Variants in ROBO2 observed in about 807,000 individuals in gnomAD.
ROBO2 encodes roundabout homolog 2.
In ROBO2, 53 loss-of-function variants were observed where a neutral mutation model predicts 160.8. The observed-to-expected ratio is 0.33, with a 90% CI of 0.26 to 0.41. The LOEUF is 0.41. Among genes scored for constraint, ROBO2 ranks in the 10% least tolerant of loss-of-function variants. The probability of loss-of-function intolerance (pLI) is 1.00; values close to 1 mark genes in which losing one functional copy is unlikely to be tolerated. For missense variants in ROBO2, 1,577 were observed against 1,722.4 expected (o/e 0.92, Z 1.49); for synonymous variants, 664 against 611.7 (o/e 1.09, Z -1.26).
chr3:77,222,018 A>C (rs1323519915), intron 2 of ROBO2, among the ~76,000 whole-genome samples: 1 of 151,628 alleles, frequency 6.6e-6, no homozygotes, highest in African/African-American at 2.4e-5. Flanking sequence ...ACTCCCAGCT[A>C]ATTTTTGCGT....
intron 2 of ROBO2, among the ~76,000 whole-genome samples, chr3:76,007,925 C>T (rs897284852): frequency 6.6e-6 from 1 of 151,960 alleles, no homozygotes; most frequent in African/African-American, 2.4e-5. Flanking sequence ...AAAGATACTG[C>T]AATGTGTCAA....
chr3:76,806,214 C>CGT (rs71104623), intron 2 of ROBO2, among the ~76,000 whole-genome samples: 23,143 of 146,036 alleles, frequency 0.16, 2,279 homozygotes, highest in African/African-American at 0.29. Flanking sequence ...TTTCTGTGTG[C>CGT]GTGTGTGTGT....
At chr3:76,790,837 G>A (rs2063308735) in intron 2 of ROBO2, among the ~76,000 whole-genome samples, 1 of 151,684 alleles carries the variant, frequency 6.6e-6, no homozygotes. Flanking sequence ...ATGGGCCCTT[G>A]TGACAAATAG....
chr3:77,154,100 CAG>C (rs1479943424), intron 2 of ROBO2, among the ~76,000 whole-genome samples: 2 of 151,662 alleles, frequency 1.3e-5, no homozygotes, highest in Non-Finnish European at 2.9e-5. Context: ...AGACTGCTAA[CAG>C]AATTATAATG....
At chr3:76,613,365 A>G (rs140438508) in intron 2 of ROBO2, among the ~76,000 whole-genome samples, 1 of 152,022 alleles carries the variant, frequency 6.6e-6, no homozygotes, top group East Asian at 1.9e-4. Context: ...TCTCTCTCTC[A>G]AGGTTTATTT....
upstream of ROBO2, among the ~76,000 whole-genome samples, chr3:77,036,245 G>C (rs1369616656): frequency 6.6e-6 from 1 of 151,888 alleles, no homozygotes; most frequent in Non-Finnish European, 1.5e-5. Context: ...TTAACAATAT[G>C]ATGAATTTTT....
chr3:76,713,021 A>C (rs893857336), intron 2 of ROBO2, among the ~76,000 whole-genome samples: 2 of 152,230 alleles, frequency 1.3e-5, no homozygotes, highest in African/African-American at 2.4e-5. Flanking sequence ...AAAACCAAAT[A>C]AACTGTGCCA....
intron 2 of ROBO2, among the ~76,000 whole-genome samples, chr3:77,403,619 T>TGTGTA (rs1491148217): frequency 0.012 from 319 of 27,184 alleles, 2 homozygotes; most frequent in African/African-American, 0.048. Flanking sequence ...TGTGTGTGTA[T>TGTGTA]TTTTTTTTTT....
chr3:76,251,070 C>A (rs1182812246), intron 2 of ROBO2, among the ~76,000 whole-genome samples: 2 of 151,996 alleles, frequency 1.3e-5, no homozygotes, highest in East Asian at 3.9e-4. Flanking sequence ...AATATGATGA[C>A]TGAAGAAACG....
chr3:77,596,857 C>CATAATT lies in ROBO2; in HGVS notation c.2854+109_2854+114dup, dbSNP rs1164642888. 5 of 1,298,574 alleles carry CATAATT rather than the reference C, an allele frequency of 3.9e-6. No homozygotes were observed. In the East Asian group the frequency reaches 1.2e-4, roughly 30 times the overall value. The allele number at this position is 1,298,574 out of a possible 1,614,324, so 80.4% of individuals were successfully genotyped here. A position where few individuals can be genotyped will look rare whatever the true frequency, so the allele number is the denominator to read the frequency against. On this transcript the variant is annotated intron_variant, in intron 19 of 25. Coordinates refer to ENST00000461745, the Ensembl canonical transcript of ROBO2. ...AAACATATCAGAGAGTATTTACTCC[C>CATAATT]ATAATTAAAATCAATGAAACATATG... is the stretch of plus-strand genomic sequence containing the variant.
intron 2 of ROBO2, among the ~76,000 whole-genome samples, chr3:77,159,314 A>C (rs2078285961): frequency 6.6e-6 from 1 of 152,102 alleles, no homozygotes; most frequent in African/African-American, 2.4e-5. Flanking sequence ...TTCCCACTCC[A>C]ATCTGCAGGA....
intron 2 of ROBO2, among the ~76,000 whole-genome samples, chr3:76,242,898 A>C (rs1310801659): frequency 6.7e-6 from 1 of 150,202 alleles, no homozygotes; most frequent in African/African-American, 2.4e-5. Flanking sequence ...TGTCAACAAC[A>C]ACAAAACAAC....
intron 2 of ROBO2, among the ~76,000 whole-genome samples, chr3:77,211,393 A>G (rs1219154868): frequency 6.6e-6 from 1 of 152,174 alleles, no homozygotes; most frequent in East Asian, 1.9e-4. Flanking sequence ...TCTTCTTTTG[A>G]GAAGTGTCTC....
At chr3:76,975,552 T>G (rs985387125) in intron 2 of ROBO2, among the ~76,000 whole-genome samples, 1 of 152,194 alleles carries the variant, frequency 6.6e-6, no homozygotes, top group Admixed American at 6.5e-5. Flanking sequence ...TTTTAGCATC[T>G]TTGTGTCCGT....
At chr3:77,240,130 C>T (rs2088774271) in intron 2 of ROBO2, among the ~76,000 whole-genome samples, 1 of 152,166 alleles carries the variant, frequency 6.6e-6, no homozygotes, top group Admixed American at 6.5e-5. Context: ...GACTGGGGGC[C>T]ATGGAGCATG....
intron 22 of ROBO2, among the ~76,000 whole-genome samples, chr3:77,618,832 G>A (rs1292728588): frequency 6.6e-6 from 1 of 152,084 alleles, no homozygotes; most frequent in Admixed American, 6.5e-5. Context: ...AAAGGTCAAA[G>A]ACAACTTACC....
chr3:76,280,736 C>T (rs1481383705), intron 2 of ROBO2, among the ~76,000 whole-genome samples: 3 of 151,976 alleles, frequency 2.0e-5, no homozygotes, highest in African/African-American at 7.2e-5. Context: ...AAAAGATCTT[C>T]ACATCTTTCA....
At chr3:77,506,503 C>T (rs1040823187) in intron 5 of ROBO2, among the ~76,000 whole-genome samples, 1 of 152,056 alleles carries the variant, frequency 6.6e-6, no homozygotes, top group African/African-American at 2.4e-5. Context: ...GTGATTCTCA[C>T]GAGGGGCAAA....
chr3:77,583,853 A>G (rs2093977735), intron 16 of ROBO2, among the ~76,000 whole-genome samples: 1 of 152,164 alleles, frequency 6.6e-6, no homozygotes, highest in Admixed American at 6.5e-5. Flanking sequence ...GTGATGTCTT[A>G]GTTTTTACAT....
Sources: allele counts gnomAD v4.1 joint callset (sites outside exome capture counted in the v4.1 genomes callset), GRCh38; gene constraint gnomAD v4.1.1; transcripts MANE v1.5; gene names NCBI Gene and HGNC (gene_info 2026-07-23, HGNC 2026-07-21).